Variants in BANK1 observed in about 807,000 individuals in gnomAD.
BANK1 encodes the protein B-cell scaffold protein with ankyrin repeats.
A neutral mutation model predicts 94.5 loss-of-function variants in BANK1; 95 were observed. The observed-to-expected ratio is 1.00, with a 90% confidence interval of 0.85 to 1.19. The LOEUF (loss-of-function observed/expected upper bound fraction) is 1.19, where lower values mean the gene tolerates loss of function less well. Among genes scored for constraint, BANK1 ranks in the 50% most tolerant of loss-of-function variants. BANK1 has a pLI of 0.00. For missense variants in BANK1, 987 were observed against 932.2 expected (o/e 1.06, Z -0.77); for synonymous variants, 334 against 308.4 (o/e 1.08, Z -0.87).
chr4:101,981,973 A>C (rs534535726), intron 7 of BANK1: 6 of 152,160 alleles, frequency 3.9e-5, no homozygotes, highest in African/African-American at 1.4e-4. Context: ...GTGGGTAGGG[A>C]TTGTGGTTCT....
intron 8 of BANK1, among the ~76,000 whole-genome samples, chr4:102,023,458 T>C (rs1726981595): frequency 6.6e-6 from 1 of 152,204 alleles, no homozygotes; most frequent in African/African-American, 2.4e-5. Context: ...AATAAAACAT[T>C]ATTTCAATTC....
intron 2 of BANK1, among the ~76,000 whole-genome samples, chr4:101,835,219 A>G (rs941296728): frequency 1.3e-5 from 2 of 152,214 alleles, no homozygotes; most frequent in African/African-American, 4.8e-5. Flanking sequence ...CTGATCTGAA[A>G]TTGTTATAAA....
intron 7 of BANK1, among the ~76,000 whole-genome samples, chr4:102,007,098 TTTATATATATATAA>T (rs1488645655): frequency 1.3e-5 from 1 of 75,324 alleles, no homozygotes; most frequent in African/African-American, 4.5e-5. Context: ...ATATAATATA[TTTATATATATATAA>T]ATATATATTT....
chr4:102,031,644 G>T (rs1727318006), intron 10 of BANK1, among the ~76,000 whole-genome samples: 2 of 152,190 alleles, frequency 1.3e-5, no homozygotes, highest in South Asian at 4.1e-4. Flanking sequence ...GAAACCATAG[G>T]ATATATGTAG....
intron 6 of BANK1, among the ~76,000 whole-genome samples, chr4:101,906,329 A>G (rs951111756): frequency 4.6e-5 from 7 of 152,170 alleles, no homozygotes; most frequent in African/African-American, 1.7e-4. Context: ...TAGCTATAAT[A>G]TTTCCCTGTT....
At chr4:101,824,388 A>G (rs1411225761) in intron 1 of BANK1, among the ~76,000 whole-genome samples, 1 of 152,238 alleles carries the variant, frequency 6.6e-6, no homozygotes, top group Non-Finnish European at 1.5e-5. Flanking sequence ...TACAGATTAT[A>G]CAGGAAACAC....
chr4:101,951,741 A>C (rs537670017), intron 7 of BANK1, among the ~76,000 whole-genome samples: 1 of 152,220 alleles, frequency 6.6e-6, no homozygotes, highest in South Asian at 2.1e-4. Context: ...AAGCAATAGA[A>C]TTAAACCTAT....
chr4:101,965,824 T>G (rs1355621781), intron 7 of BANK1, among the ~76,000 whole-genome samples: 1 of 152,118 alleles, frequency 6.6e-6, no homozygotes, highest in Non-Finnish European at 1.5e-5. Context: ...TGTACTGATG[T>G]AGCCTTTCTT....
chr4:101,889,812 A>G (rs1004147961), intron 5 of BANK1, among the ~76,000 whole-genome samples: 28 of 151,950 alleles, frequency 1.8e-4, no homozygotes, highest in Non-Finnish European at 4.0e-4. Flanking sequence ...GTATTATAAA[A>G]TTTTCTCAGC....
At chr4:101,826,914 C>G (rs1320355373) in intron 1 of BANK1, among the ~76,000 whole-genome samples, 1 of 151,838 alleles carries the variant, frequency 6.6e-6, no homozygotes, top group Non-Finnish European at 1.5e-5. Flanking sequence ...AATACATAAA[C>G]CCAATAATTC....
At chr4:101,811,135 T>G (rs1017231585) in intron 1 of BANK1, among the ~76,000 whole-genome samples, 4 of 152,144 alleles carry the variant, frequency 2.6e-5, no homozygotes, top group African/African-American at 9.7e-5. Flanking sequence ...CTTCTATGAG[T>G]CTTTGTGCTA....
chr4:101,848,131 C>A (rs1020400085), intron 2 of BANK1, among the ~76,000 whole-genome samples: 6 of 152,314 alleles, frequency 3.9e-5, no homozygotes, highest in African/African-American at 1.4e-4. Context: ...TCTTCAGCTT[C>A]TCCAGTGGGG....
intron 1 of BANK1, among the ~76,000 whole-genome samples, chr4:101,813,370 T>C (rs1182469557): frequency 2.0e-5 from 3 of 152,232 alleles, no homozygotes; most frequent in Non-Finnish European, 2.9e-5. Flanking sequence ...ATTTATTTTC[T>C]TTTTTCACAT....
At chr4:101,797,316 A>G (rs1276496217) in intron 1 of BANK1, among the ~76,000 whole-genome samples, 2 of 152,206 alleles carry the variant, frequency 1.3e-5, no homozygotes, top group Non-Finnish European at 2.9e-5. Context: ...ATAATGAGTG[A>G]GGAGAAGAAT....
intron 6 of BANK1, among the ~76,000 whole-genome samples, chr4:101,901,933 T>G (rs9790772): frequency 6.6e-6 from 1 of 151,956 alleles, no homozygotes; most frequent in African/African-American, 2.4e-5. Flanking sequence ...GCTATTTTTT[T>G]GTATTTTTAG....
intron 11 of BANK1, among the ~76,000 whole-genome samples, chr4:102,059,959 C>G (rs371982859): frequency 2.0e-5 from 3 of 152,222 alleles, no homozygotes; most frequent in African/African-American, 7.2e-5. Flanking sequence ...AAGTATATAA[C>G]CTTTGCTACT....
chr4:102,000,100 G>T (rs988117851), intron 7 of BANK1, among the ~76,000 whole-genome samples: 1 of 152,016 alleles, frequency 6.6e-6, no homozygotes, highest in East Asian at 1.9e-4. Context: ...AAGACAGGCC[G>T]ATCATCTGAG....
chr4:102,002,229 G>A (rs1182558811), intron 7 of BANK1, among the ~76,000 whole-genome samples: 1 of 152,058 alleles, frequency 6.6e-6, no homozygotes, highest in Non-Finnish European at 1.5e-5. Flanking sequence ...TGATCTTATT[G>A]GATGTGACAC....
At chr4:101,843,881 C>A (rs544952332) in intron 2 of BANK1, among the ~76,000 whole-genome samples, 1 of 151,950 alleles carries the variant, frequency 6.6e-6, no homozygotes, top group South Asian at 2.1e-4. Context: ...GATACCACAC[C>A]GTTGCACTCC....
Sources: gnomAD v4.1 joint callset for allele counts (sites outside exome capture counted in the v4.1 genomes callset) on GRCh38, gnomAD v4.1.1 for gene constraint, MANE v1.5 for transcripts, NCBI Gene and HGNC (gene_info 2026-07-23, HGNC 2026-07-21) for gene names.